Variants in DSCAM observed in about 807,000 individuals in gnomAD.
DSCAM encodes the protein DS cell adhesion molecule.
DSCAM carries 47 observed loss-of-function variants against 217.7 expected under a neutral mutation model. The observed-to-expected ratio is 0.22, with a 90% CI of 0.17 to 0.28. The LOEUF (loss-of-function observed/expected upper bound fraction) is 0.28, where lower values mean the gene tolerates loss of function less well. Among genes scored for constraint, DSCAM ranks in the 10% least tolerant of loss-of-function variants. The pLI is 1.00. For synonymous variants in DSCAM, 1,056 were observed against 1,015.3 expected, an observed-to-expected ratio of 1.04 and a Z score of -0.76; for missense variants, 2,080 against 2,618.3, an observed-to-expected ratio of 0.79 and a Z score of 4.49.
At chr21:40,801,960 A>C (rs2091745708) in intron 1 of DSCAM, among the ~76,000 whole-genome samples, 1 of 152,182 alleles carries the variant, frequency 6.6e-6, no homozygotes, top group Non-Finnish European at 1.5e-5. Flanking sequence ...GCTGCTGCAG[A>C]GTCCTTACCA....
intron 17 of DSCAM, 22 bp from the exon 18 acceptor site, chr21:40,142,726 CTG>C: frequency 6.2e-7 from 1 of 1,607,558 alleles, no homozygotes; most frequent in Non-Finnish European, 8.5e-7. Context: ...TAATTAGAAT[CTG>C]TAATAACTGT....
rs143875551 is a variant in DSCAM, at chr21:40,640,440, A to G, written c.508+52370T>C. ...CTCCCTGATCCGCAGCTTCCTGTAA[A>G]CGAGGGGAAGAGACGGAGGATGCAG... is the stretch of plus-strand genomic sequence containing the variant. On this transcript the variant is annotated intron_variant, in intron 3 of 32. Transcript: ENST00000400454. Among the ~76,000 whole-genome samples, 238 of 152,320 alleles carry G rather than the reference A, an allele frequency of 1.6e-3. 1 individual carries two copies. Among genetic ancestry groups the G allele is most frequent in the Middle Eastern group, 6.8e-3 (2 of 294 alleles).
At chr21:40,668,252 G>A (rs960703426) in intron 3 of DSCAM, among the ~76,000 whole-genome samples, 5 of 152,132 alleles carry the variant, frequency 3.3e-5, no homozygotes, top group African/African-American at 1.2e-4. Context: ...CCAGCCTCCA[G>A]CCTTCCTTGC....
intron 30 of DSCAM, 133 bp downstream of exon 30, chr21:40,051,825 G>A: frequency 8.9e-7 from 1 of 1,128,660 alleles, no homozygotes; most frequent in Non-Finnish European, 1.2e-6. Flanking sequence ...CCCAATTAGG[G>A]ATGTTATTAT....
intron 2 of DSCAM, among the ~76,000 whole-genome samples, chr21:40,703,551 CACA>C (rs1352661027): frequency 2.6e-5 from 4 of 152,110 alleles, no homozygotes; most frequent in African/African-American, 9.7e-5. Flanking sequence ...TCCACACACA[CACA>C]CACCCAACAG....
At chr21:40,637,136 TAA>T (rs1319402532) in intron 3 of DSCAM, among the ~76,000 whole-genome samples, 3 of 41,206 alleles carry the variant, frequency 7.3e-5, no homozygotes, top group African/African-American at 1.8e-4. Flanking sequence ...TATAAATATA[TAA>T]ATATATATAT....
intron 14 of DSCAM, among the ~76,000 whole-genome samples, chr21:40,181,789 A>G (rs988188891): frequency 2.0e-5 from 3 of 151,968 alleles, no homozygotes; most frequent in African/African-American, 7.3e-5. Flanking sequence ...TTGGCCAAGA[A>G]TGACTGTACC....
intron 1 of DSCAM, among the ~76,000 whole-genome samples, chr21:40,739,126 T>C (rs1179291537): frequency 6.6e-6 from 1 of 152,216 alleles, no homozygotes; most frequent in Admixed American, 6.5e-5. Flanking sequence ...AAGGAGAGGA[T>C]TATAGTCTTA....
At chr21:40,115,873 A>T (rs930039337) in intron 20 of DSCAM, among the ~76,000 whole-genome samples, 6 of 152,256 alleles carry the variant, frequency 3.9e-5, no homozygotes, top group African/African-American at 1.4e-4. Flanking sequence ...TTGCAGCTCT[A>T]TTCACAATAG....
At chr21:40,195,565 T>C (rs1220711024) in intron 11 of DSCAM, among the ~76,000 whole-genome samples, 1 of 152,168 alleles carries the variant, frequency 6.6e-6, no homozygotes. Context: ...ACATAGGAGA[T>C]GGCCAACTGT....
intron 3 of DSCAM, among the ~76,000 whole-genome samples, chr21:40,379,438 C>T (rs1188382076): frequency 6.6e-6 from 1 of 152,192 alleles, no homozygotes; most frequent in Non-Finnish European, 1.5e-5. Context: ...ATTATGCTTG[C>T]TTTTCAAGCT....
At chr21:40,745,902 T>C (rs1049084364) in intron 1 of DSCAM, among the ~76,000 whole-genome samples, 2 of 152,020 alleles carry the variant, frequency 1.3e-5, no homozygotes, top group African/African-American at 4.8e-5. Flanking sequence ...AAAATAAAAA[T>C]GAACGTGTGT....
At chr21:40,647,942 C>G (rs540791859) in intron 3 of DSCAM, among the ~76,000 whole-genome samples, 65 of 152,110 alleles carry the variant, frequency 4.3e-4, no homozygotes, top group African/African-American at 1.6e-3. Context: ...GCTGAGTGGG[C>G]AATGATGTGC....
At position 40,266,645 on chromosome 21, in the gene DSCAM, A is replaced by ATATATATATATATT. The variant is rs1208782687; in HGVS notation, c.2356+9451_2356+9452insAATATATATATATA. On this transcript the variant is annotated intron_variant, in intron 11 of 32. Coordinates refer to ENST00000400454, the MANE Select transcript of DSCAM (RefSeq NM_001389.5). ...ATGGACAAAGATGTTTTATATATAT[A>ATATATATATATATT]TATATATATATATATATATATATAT... 2.7e-3 allele frequency among the ~76,000 whole-genome samples: 309 copies of ATATATATATATATT among 114,056 alleles called. 5 individuals carry two copies. The highest frequency in any genetic ancestry group is 7.0e-3 in the African/African-American group (165 of 23,556). The allele number at this position is 114,056 out of a possible 152,430, so 74.8% of individuals were successfully genotyped here.
intron 10 of DSCAM, among the ~76,000 whole-genome samples, chr21:40,277,868 CAA>C (rs1221895007): frequency 5.4e-5 from 3 of 55,800 alleles, no homozygotes; most frequent in Non-Finnish European, 1.1e-4. Context: ...GACTTCGTCT[CAA>C]AAAAAAAAAA....
At chr21:40,079,677 G>C (rs433836) in intron 25 of DSCAM, among the ~76,000 whole-genome samples, 119,048 of 151,816 alleles carry the variant, frequency 0.78, 47,607 homozygotes, top group South Asian at 0.9. Context: ...CTCTGAATAT[G>C]ATTTCTTTGG....
At chr21:40,026,382 T>C (rs1811659545) in intron 32 of DSCAM, among the ~76,000 whole-genome samples, 1 of 141,932 alleles carries the variant, frequency 7.0e-6, no homozygotes, top group Non-Finnish European at 1.5e-5. Flanking sequence ...TAGATGTCTA[T>C]TAGGTCCACT....
intron 3 of DSCAM, among the ~76,000 whole-genome samples, chr21:40,657,083 A>G (rs2090084754): frequency 1.3e-5 from 2 of 152,234 alleles, no homozygotes; most frequent in African/African-American, 4.8e-5. Context: ...TCCCCATTAT[A>G]GAAAGTTTTG....
intron 3 of DSCAM, among the ~76,000 whole-genome samples, chr21:40,533,346 T>C (rs2076464447): frequency 6.6e-6 from 1 of 152,212 alleles, no homozygotes; most frequent in South Asian, 2.1e-4. Flanking sequence ...ATTGTTTCTT[T>C]CTCTGATTTC....
Sources: gnomAD v4.1 joint callset for allele counts (sites outside exome capture counted in the v4.1 genomes callset) on GRCh38, gnomAD v4.1.1 for gene constraint, MANE v1.5 for transcripts, NCBI Gene and HGNC (gene_info 2026-07-23, HGNC 2026-07-21) for gene names.